The following ANK1 variants were observed in gnomAD, a reference collection of about 807,000 sequenced individuals.
ANK1 encodes ankyrin-1.
A neutral mutation model predicts 210.4 loss-of-function variants in ANK1; 51 were observed. The ratio of observed to expected loss-of-function variants is 0.24; its 90% CI spans 0.19 to 0.31. ANK1 has a LOEUF of 0.31. Among genes scored for constraint, ANK1 ranks in the 10% least tolerant of loss-of-function variants. ANK1 has a pLI of 1.00. For synonymous variants in ANK1, 967 were observed against 1,025.9 expected (o/e 0.94, Z 1.10); for missense variants, 2,051 against 2,504.4 (o/e 0.82, Z 3.86).
intron 1 of ANK1, among the ~76,000 whole-genome samples, chr8:41,768,360 C>A (rs1029060082): frequency 3.3e-5 from 5 of 152,214 alleles, no homozygotes; most frequent in African/African-American, 1.2e-4. Flanking sequence ...ATACCAAATG[C>A]TCTTTTCCTC....
At chr8:41,725,005 G>C (rs1044971311) in intron 6 of ANK1, among the ~76,000 whole-genome samples, 38 of 152,214 alleles carry the variant, frequency 2.5e-4, no homozygotes, top group African/African-American at 8.9e-4. Flanking sequence ...GACTACAGGC[G>C]AACACCATCA....
rs1162920630 is a variant in ANK1, at chr8:41,715,017, G to A, written c.1660C>T (p.Leu554=). 1 of 1,614,180 alleles carries A rather than the reference G, an allele frequency of 6.2e-7. No homozygotes were observed. Among genetic ancestry groups the A allele is most frequent in the Non-Finnish European group, 8.5e-7 (1 of 1,180,028 alleles). Residue 554 remains leucine, a synonymous_variant, in exon 15 of 43, where the codon CTG becomes TTG. Coordinates refer to ENST00000289734, the MANE Select transcript of ANK1 (RefSeq NM_000037.4). Reference sequence around the variant, plus strand: ...GGGTGTGCGTCCCGCTCCAGCAGCAGCTCTGCCACCCGCACCTTCCCGTAC... The same window carrying A: ...GGGTGTGCGTCCCGCTCCAGCAGCAACTCTGCCACCCGCACCTTCCCGTAC... ...AKYGKVRVAE[L]LLERDAHPNA...
intron 1 of ANK1, among the ~76,000 whole-genome samples, chr8:41,796,549 GA>G (rs397947255): frequency 0.016 from 1,977 of 121,276 alleles, 25 homozygotes; most frequent in African/African-American, 0.032. Flanking sequence ...TCTCTCCTTA[GA>G]AAAAAAAAAA....
intron 2 of ANK1, among the ~76,000 whole-genome samples, chr8:41,743,947 C>A (rs1375273470): frequency 6.6e-6 from 1 of 152,156 alleles, no homozygotes; most frequent in Non-Finnish European, 1.5e-5. Context: ...GTGCTGTCTC[C>A]ACTAACAGGA....
rs143994699 is a variant in ANK1 at position 41,668,537 on chromosome 8, C to T, written c.5124G>A (p.Ser1708=). The change falls in exon 39 of 43, where the codon TCG becomes TCA. Residue 1708 remains serine (S), a synonymous_variant. Transcript: ENST00000289734. ...CAGCATCTTGCAGGTATGAGACAAT[C>T]GAGCCGTCTGCATCCCAGTCCTGCA... is the stretch of plus-strand genomic sequence containing the variant. ...DRLQDWDADG[S]IVSYLQDAAQ... 38 of 1,613,746 alleles carry T rather than the reference C, an allele frequency of 2.4e-5. No homozygotes were observed. In the African/African-American group the frequency reaches 3.6e-4, roughly 15 times the overall value.
chr8:41,670,145 C>A (rs1377280761), intron 38 of ANK1, among the ~76,000 whole-genome samples: 1 of 152,020 alleles, frequency 6.6e-6, no homozygotes, highest in Non-Finnish European at 1.5e-5. Flanking sequence ...TTAATGACTT[C>A]TAATTTTATT....
At chr8:41,793,791 G>A (rs1341736396) in intron 1 of ANK1, among the ~76,000 whole-genome samples, 1 of 152,164 alleles carries the variant, frequency 6.6e-6, no homozygotes, top group African/African-American at 2.4e-5. Context: ...TATGAATTGT[G>A]ATTTTATAGT....
intron 1 of ANK1, among the ~76,000 whole-genome samples, chr8:41,855,623 C>T (rs540357732): frequency 6.6e-6 from 1 of 152,314 alleles, no homozygotes; most frequent in South Asian, 2.1e-4. Flanking sequence ...GGAGAAAGGT[C>T]ACTGCCTACC....
intron 1 of ANK1, among the ~76,000 whole-genome samples, chr8:41,863,080 C>G (rs770688078): frequency 6.6e-6 from 1 of 151,908 alleles, no homozygotes; most frequent in Non-Finnish European, 1.5e-5. Flanking sequence ...GTATTATAGC[C>G]GGGCGCGGTG....
intron 1 of ANK1, among the ~76,000 whole-genome samples, chr8:41,804,655 A>G (rs1167931447): frequency 1.3e-5 from 2 of 152,166 alleles, no homozygotes; most frequent in Non-Finnish European, 2.9e-5. Flanking sequence ...GATTTACTTT[A>G]TTTCATGTTA....
intron 1 of ANK1, among the ~76,000 whole-genome samples, chr8:41,880,279 C>A (rs1414817450): frequency 6.6e-6 from 1 of 152,184 alleles, no homozygotes; most frequent in Non-Finnish European, 1.5e-5. Flanking sequence ...GTATTTGCAA[C>A]AGAGACTGAA....
chr8:41,807,123 T>C (rs1238387568), intron 1 of ANK1, among the ~76,000 whole-genome samples: 9 of 152,206 alleles, frequency 5.9e-5, no homozygotes, highest in Non-Finnish European at 1.3e-4. Context: ...AAGCACCTAT[T>C]ATGTGCCAGT....
intron 1 of ANK1, among the ~76,000 whole-genome samples, chr8:41,848,682 G>C (rs1810569663): frequency 1.3e-5 from 2 of 152,324 alleles, no homozygotes; most frequent in East Asian, 1.9e-4. Flanking sequence ...TTTTGAAAGA[G>C]AGACCAGACT....
intron 1 of ANK1, among the ~76,000 whole-genome samples, chr8:41,850,480 T>C (rs1295548411): frequency 1.3e-5 from 2 of 152,172 alleles, no homozygotes; most frequent in African/African-American, 2.4e-5. Flanking sequence ...TCTGTACTTA[T>C]GAATTTATTT....
At chr8:41,668,655 C>T (rs2150556977) in intron 38 of ANK1, 91 bp from the exon 39 acceptor site, 2 of 1,368,648 alleles carry the variant, frequency 1.5e-6, no homozygotes, top group Non-Finnish European at 2.0e-6. Context: ...AGACACTCTC[C>T]CCACCCAGAG....
chr8:41,853,747 TA>T (rs1811675584), intron 1 of ANK1, among the ~76,000 whole-genome samples: 1 of 152,058 alleles, frequency 6.6e-6, no homozygotes, highest in South Asian at 2.1e-4. Context: ...TATTTTATTT[TA>T]TTTTTTAAAT....
At chr8:41,745,629 G>A (rs544548700) in intron 2 of ANK1, among the ~76,000 whole-genome samples, 7 of 152,240 alleles carry the variant, frequency 4.6e-5, no homozygotes, top group East Asian at 1.9e-4. Flanking sequence ...CAGGTGGCCC[G>A]CTGGGGCTTC....
intron 17 of ANK1, among the ~76,000 whole-genome samples, chr8:41,707,404 T>TC (rs1180417009): frequency 6.6e-6 from 1 of 152,216 alleles, no homozygotes; most frequent in African/African-American, 2.4e-5. Flanking sequence ...CCACTTGCCC[T>TC]CCTCTGCCTT....
intron 1 of ANK1, among the ~76,000 whole-genome samples, chr8:41,770,065 C>G (rs1842720526): frequency 6.7e-6 from 1 of 149,654 alleles, no homozygotes. Flanking sequence ...CACTGCAACC[C>G]CCGCCTCCCA....
Sources: gnomAD v4.1 joint callset for allele counts (sites outside exome capture counted in the v4.1 genomes callset) on GRCh38, gnomAD v4.1.1 for gene constraint, MANE v1.5 for transcripts, NCBI Gene and HGNC (gene_info 2026-07-23, HGNC 2026-07-21) for gene names.